Variants in PPIP5K2 observed in about 807,000 individuals in gnomAD.
PPIP5K2 encodes the protein diphosphoinositol pentakisphosphate kinase 2.
Under a neutral mutation model 154.6 loss-of-function variants are expected in PPIP5K2, and 105 were observed. The observed-to-expected ratio is 0.68, with a 90% CI of 0.58 to 0.80. The LOEUF (loss-of-function observed/expected upper bound fraction) is 0.80, where lower values mean the gene tolerates loss of function less well. Among genes scored for constraint, PPIP5K2 ranks in the 30% least tolerant of loss-of-function variants. The pLI is 0.00. For synonymous variants in PPIP5K2, 480 were observed against 490.3 expected, an observed-to-expected ratio of 0.98 and a Z score of 0.28; for missense variants, 992 against 1,504.6, an observed-to-expected ratio of 0.66 and a Z score of 5.64.
chr5:103,197,554 A>C (rs1417289961), intron 30 of PPIP5K2, among the ~76,000 whole-genome samples: 1 of 124,458 alleles, frequency 8.0e-6, no homozygotes, highest in Non-Finnish European at 1.8e-5. Context: ...TGTTGGTTTT[A>C]TGTTTAAAAC....
chr5:103,167,134 A>G (rs373660162), intron 17 of PPIP5K2, 45 bp from the exon 18 acceptor site: 10 of 1,391,216 alleles, frequency 7.2e-6, no homozygotes, highest in Middle Eastern at 2.4e-4. Context: ...CTCTTAGACA[A>G]TTAGGCATAA....
intron 21 of PPIP5K2, among the ~76,000 whole-genome samples, chr5:103,174,614 T>C (rs1187182790): frequency 6.6e-6 from 1 of 152,026 alleles, no homozygotes; most frequent in Non-Finnish European, 1.5e-5. Context: ...CTCAAAATAT[T>C]GCACCTGAGT....
In PPIP5K2 at chr5:103,206,399, C is replaced by G. The variant is rs906314210; in HGVS notation, c.*4765C>G. 10 of 152,108 alleles carry G rather than the reference C, an allele frequency of 6.6e-5. No individual in the cohort carries two copies. The highest frequency in any genetic ancestry group is 1.5e-4 in the Non-Finnish European group (10 of 68,026). 9.4% of individuals were successfully genotyped at this position (152,108 alleles called of 1,614,324 possible). A position where few individuals can be genotyped will look rare whatever the true frequency, so the allele number is the denominator to read the frequency against. On this transcript the variant is annotated 3_prime_UTR_variant, in exon 31 of 31. Coordinates refer to ENST00000358359, the MANE Select transcript of PPIP5K2 (RefSeq NM_001276277.3). Reference sequence around the variant, plus strand: ...CCAATCCTGGAATATTAATATTAAGCCATCTACTTCAGTGTGATTGAGCCA... The same window carrying G: ...CCAATCCTGGAATATTAATATTAAGGCATCTACTTCAGTGTGATTGAGCCA...
At position 103,195,031 on chromosome 5, in the gene PPIP5K2, G is replaced by C; in HGVS notation, c.3619+6G>C. On this transcript the variant is annotated splice_donor_region_variant and intron_variant, in intron 30 of 30. Coordinates refer to ENST00000358359, the MANE Select transcript of PPIP5K2 (RefSeq NM_001276277.3). Reference sequence around the variant, plus strand: ...TAAAGCAAGCAGCAAACCAGGTAAGGGGTGTGTGTGTTGAGTTTGTGGATT... The same window carrying C: ...TAAAGCAAGCAGCAAACCAGGTAAGCGGTGTGTGTGTTGAGTTTGTGGATT... 6.2e-7 allele frequency: 1 copy of C among 1,607,064 alleles called. No individual in the cohort carries two copies. Among genetic ancestry groups the C allele is most frequent in the Non-Finnish European group, 8.5e-7 (1 of 1,178,118 alleles).
intron 27 of PPIP5K2, among the ~76,000 whole-genome samples, 185 bp from the exon 28 acceptor site, chr5:103,187,129 A>G (rs1039036043): frequency 6.6e-6 from 1 of 152,136 alleles, no homozygotes; most frequent in Non-Finnish European, 1.5e-5. Flanking sequence ...TTCATTTGAC[A>G]CTTTTCCTCT....
Position 103,145,187 on chromosome 5 carries a change from A to G in PPIP5K2, c.488-1340A>G, listed in dbSNP as rs138259703. Among the ~76,000 whole-genome samples the G allele has an allele frequency of 1.6e-4, 25 of 152,312 alleles. No individual in the cohort carries two copies. The East Asian group carries it at 4.8e-3, about 29-fold the overall frequency. ...CGTCACCAATCATCAGAGAAATGCA[A>G]ATCAAATCTGTGATGAGATATCAAC... On this transcript the variant is annotated intron_variant, in intron 5 of 30. Transcript: ENST00000358359.
At chr5:103,197,488 G>A (rs1276563962) in intron 30 of PPIP5K2, among the ~76,000 whole-genome samples, 5 of 150,294 alleles carry the variant, frequency 3.3e-5, no homozygotes, top group Non-Finnish European at 7.4e-5. Context: ...TCTCACTAGG[G>A]ATTTATCAAT....
chr5:103,125,027 A>AGAG (rs781889997), intron 1 of PPIP5K2, among the ~76,000 whole-genome samples: 1 of 152,230 alleles, frequency 6.6e-6, no homozygotes, highest in Non-Finnish European at 1.5e-5. Context: ...CAAGTTTTGT[A>AGAG]GAGGAGTATC....
intron 24 of PPIP5K2, among the ~76,000 whole-genome samples, chr5:103,181,204 T>A (rs1799482542): frequency 1.3e-5 from 2 of 152,138 alleles, no homozygotes; most frequent in Admixed American, 6.5e-5. Context: ...CTGTTTTCTG[T>A]AGGATGAGTC....
In PPIP5K2 at chr5:103,149,290, T is replaced by C. The variant is rs1554210476; in HGVS notation, c.883T>C (p.Trp295Arg). 1 of 1,613,660 alleles carries C rather than the reference T, an allele frequency of 6.2e-7. No homozygotes were observed. The highest frequency in any genetic ancestry group is 2.2e-5 in the East Asian group (1 of 44,836). The change falls in exon 8 of 31, where the codon TGG (tryptophan) becomes CGG (arginine). Residue 295 changes from tryptophan to arginine, a missense_variant. Trp to Arg is a moderately radical substitution (Grantham distance 101, BLOSUM62 -3). Around this residue, in one of 9 missense-constraint regions of PPIP5K2, gnomAD observed 163 missense variants for 285.2 expected, o/e 0.57. Coordinates refer to ENST00000358359, the MANE Select transcript of PPIP5K2 (RefSeq NM_001276277.3). ...ILNAREKLIA[W>R]KVCLAFKQTV... ...CAATGCACGAGAGAAATTAATTGCT[T>C]GGAAAGTCTGCCTTGCTTTTAAGGT...
rs1803621873 is a variant in PPIP5K2 at position 103,208,221 on chromosome 5, G to C, written c.*6587G>C. 6.6e-6 allele frequency: 1 copy of C among 152,190 alleles called. No individual in the cohort carries two copies. Among genetic ancestry groups the C allele is most frequent in the South Asian group, 2.1e-4 (1 of 4,826 alleles). The allele number at this position is 152,190 out of a possible 1,614,324, so 9.4% of individuals were successfully genotyped here. Reference sequence around the variant, plus strand: ...TTCTCCTCCCTCAGCCTCCAGAGTAGCTGGGATTACAGGCGCCCGCCACCA... The same window carrying C: ...TTCTCCTCCCTCAGCCTCCAGAGTACCTGGGATTACAGGCGCCCGCCACCA... On this transcript the variant is annotated 3_prime_UTR_variant, in exon 31 of 31. Coordinates refer to ENST00000358359, the MANE Select transcript of PPIP5K2 (RefSeq NM_001276277.3).
chr5:103,126,840 C>G (rs894169071), intron 1 of PPIP5K2, among the ~76,000 whole-genome samples: 1 of 151,592 alleles, frequency 6.6e-6, no homozygotes, highest in Non-Finnish European at 1.5e-5. Context: ...CTGCCTTTCC[C>G]GGAACACTGA....
intron 21 of PPIP5K2, chr5:103,176,920 A>G (rs1554221150): frequency 6.9e-7 from 1 of 1,449,268 alleles, no homozygotes; most frequent in Non-Finnish European, 9.3e-7. Flanking sequence ...GGTAAGATCA[A>G]TAGAATTTAC....
At chr5:103,152,286 G>C (rs545645305) in intron 9 of PPIP5K2, among the ~76,000 whole-genome samples, 14 of 152,036 alleles carry the variant, frequency 9.2e-5, no homozygotes, top group African/African-American at 2.6e-4. Flanking sequence ...TAGCATTATA[G>C]ATGTTCAATA....
chr5:103,195,162 T>G, intron 30 of PPIP5K2, 137 bp downstream of exon 30: 1 of 1,088,164 alleles, frequency 9.2e-7, no homozygotes, highest in Non-Finnish European at 1.3e-6. Flanking sequence ...GGGTTAAAAA[T>G]CGATTATTGT....
rs117957902 is a variant in PPIP5K2 at position 103,176,817 on chromosome 5, T to A, written c.2530-850T>A. 124 of 1,122,162 alleles carry A rather than the reference T, an allele frequency of 1.1e-4. No individual in the cohort carries two copies. The East Asian group carries it at 3.3e-3, about 30-fold the overall frequency. 69.5% of individuals were successfully genotyped at this position (1,122,162 alleles called of 1,614,324 possible). ...TACTTTGAATGCTTGTAGTACATGT[T>A]CTCTAAGATCCTTTTCAGTTCTGAT... is the stretch of plus-strand genomic sequence containing the variant. On this transcript the variant is annotated intron_variant, in intron 21 of 30. Transcript: ENST00000358359.
Position 103,203,183 on chromosome 5 carries a change from C to T in PPIP5K2, c.*1549C>T, listed in dbSNP as rs1029241790. On this transcript the variant is annotated 3_prime_UTR_variant, in exon 31 of 31. Coordinates refer to ENST00000358359, the MANE Select transcript of PPIP5K2 (RefSeq NM_001276277.3). The stretch of plus-strand genomic sequence containing the variant: ...AAGCTACTTTTTTTTTAAAGTGGAA[C>T]CTAATTAAAATATTTCCAGAATCAA... The T allele has an allele frequency of 3.3e-5, 5 of 151,900 alleles. No individual in the cohort carries two copies. Among genetic ancestry groups the T allele is most frequent in the Admixed American group, 2.0e-4 (3 of 15,194 alleles). The allele number at this position is 151,900 out of a possible 1,614,324, so 9.4% of individuals were successfully genotyped here.
At chr5:103,180,986 G>T (rs2149745392) in intron 24 of PPIP5K2, among the ~76,000 whole-genome samples, 1 of 151,948 alleles carries the variant, frequency 6.6e-6, no homozygotes, top group South Asian at 2.1e-4. Flanking sequence ...TTGAATGTTT[G>T]ATAATATAAT....
chr5:103,140,300 G>T (rs1792341863), intron 5 of PPIP5K2, among the ~76,000 whole-genome samples: 1 of 152,048 alleles, frequency 6.6e-6, no homozygotes, highest in East Asian at 1.9e-4. Context: ...AATATGCATA[G>T]GTCATAGAAG....
Sources: gnomAD v4.1 joint callset for allele counts (sites outside exome capture counted in the v4.1 genomes callset) on GRCh38, gnomAD v4.1.1 for gene constraint, gnomAD v4.1.1 regional missense constraint, MANE v1.5 for transcripts, NCBI Gene and HGNC (gene_info 2026-07-23, HGNC 2026-07-21) for gene names.